BBX: variants seen among roughly 807,000 people sequenced by gnomAD.
The protein encoded by BBX is BBX high mobility group box domain containing.
A neutral mutation model predicts 100.2 loss-of-function variants in BBX; 30 were observed. The ratio of observed to expected loss-of-function variants is 0.30; its 90% confidence interval spans 0.22 to 0.41. The LOEUF is 0.41. Ranked by LOEUF, BBX falls within the 10% of genes least tolerant of loss-of-function variation. The pLI, the probability that BBX is intolerant of heterozygous loss-of-function variation, is 1.00. For missense variants in BBX, 1,023 were observed against 1,129.8 expected (o/e 0.91, Z 1.35); for synonymous variants, 376 against 388.1 (o/e 0.97, Z 0.37).
At chr3:107,799,007 G>A (rs192359822) in intron 16 of BBX, among the ~76,000 whole-genome samples, 181 of 151,784 alleles carry the variant, frequency 1.2e-3, no homozygotes, top group African/African-American at 3.9e-3. Flanking sequence ...AAAATTAGCC[G>A]GGCCTGGTGG....
rs2056310086 is a variant in BBX at position 107,628,028 on chromosome 3, A to G, written c.-83-17808A>G. Among the ~76,000 whole-genome samples, 3 of 152,108 alleles carry G rather than the reference A, an allele frequency of 2.0e-5. No homozygotes were observed. In the South Asian group the frequency reaches 6.2e-4, roughly 31 times the overall value. On this transcript the variant is annotated intron_variant, in intron 2 of 17. Coordinates refer to ENST00000325805, the MANE Select transcript of BBX (RefSeq NM_001142568.3). ...TTACATCTGGTTATTTGTGAATGAA[A>G]TTAACTGAAGCAATTATCTTCTTTA...
At chr3:107,705,698 T>G (rs945598337) in intron 3 of BBX, among the ~76,000 whole-genome samples, 5 of 152,190 alleles carry the variant, frequency 3.3e-5, no homozygotes, top group Non-Finnish European at 7.4e-5. Flanking sequence ...CTAAAAAGCT[T>G]GTTGAGTAAA....
intron 2 of BBX, among the ~76,000 whole-genome samples, chr3:107,545,028 AT>A (rs1031983145): frequency 8.0e-5 from 12 of 150,720 alleles, no homozygotes; most frequent in Middle Eastern, 3.4e-3. Context: ...AAAAAAAAAA[AT>A]TTTTTAAAAA....
At chr3:107,698,427 C>G (rs1162828644) in intron 3 of BBX, among the ~76,000 whole-genome samples, 1 of 151,482 alleles carries the variant, frequency 6.6e-6, no homozygotes, top group Non-Finnish European at 1.5e-5. Flanking sequence ...CTGAAGCGGG[C>G]GGCTCACAAG....
At chr3:107,798,750 G>A (rs1188280427) in intron 16 of BBX, 30 bp downstream of exon 16, 2 of 1,597,420 alleles carry the variant, frequency 1.3e-6, no homozygotes, top group African/African-American at 2.7e-5. Context: ...GACCAGAGGT[G>A]TCCAATCTTT....
chr3:107,526,559 G>C (rs1404566596), intron 2 of BBX, 161 bp downstream of exon 2: 1 of 392,758 alleles, frequency 2.5e-6, no homozygotes, highest in African/African-American at 2.1e-5. Context: ...ATGATTCTTA[G>C]TGTTTAGAAT....
At chr3:107,656,826 G>A (rs150600131) in intron 3 of BBX, among the ~76,000 whole-genome samples, 1 of 152,282 alleles carries the variant, frequency 6.6e-6, no homozygotes, top group African/African-American at 2.4e-5. Context: ...GCACAAAAGA[G>A]GGAGATATAC....
intron 2 of BBX, among the ~76,000 whole-genome samples, chr3:107,587,313 C>G (rs2052924483): frequency 7.0e-6 from 1 of 143,492 alleles, no homozygotes. Context: ...TACCACAGCA[C>G]TCTAGCCTGG....
chr3:107,651,564 C>T (rs771406458), intron 3 of BBX, among the ~76,000 whole-genome samples: 1 of 151,924 alleles, frequency 6.6e-6, no homozygotes, highest in Non-Finnish European at 1.5e-5. Context: ...TTTCTGTTTA[C>T]TTTATCAAGC....
chr3:107,776,899 A>G (rs1007511438), intron 12 of BBX, among the ~76,000 whole-genome samples: 13 of 152,190 alleles, frequency 8.5e-5, no homozygotes, highest in African/African-American at 2.7e-4. Flanking sequence ...TTTTTTAACT[A>G]AATGAGAAAT....
At chr3:107,578,294 G>T (rs974055525) in intron 2 of BBX, among the ~76,000 whole-genome samples, 18 of 152,254 alleles carry the variant, frequency 1.2e-4, no homozygotes, top group Admixed American at 7.8e-4. Context: ...GGTGGGAAGG[G>T]TTTCCTGTTT....
chr3:107,545,287 C>T (rs1283976290), intron 2 of BBX, among the ~76,000 whole-genome samples: 1 of 152,156 alleles, frequency 6.6e-6, no homozygotes, highest in Non-Finnish European at 1.5e-5. Context: ...CTTTATCCAT[C>T]ATTAAAAGCT....
At chr3:107,700,112 A>C (rs1006755165) in intron 3 of BBX, among the ~76,000 whole-genome samples, 1 of 151,920 alleles carries the variant, frequency 6.6e-6, no homozygotes, top group Admixed American at 6.5e-5. Context: ...TAGCTAAAGG[A>C]GAGTGAGAAT....
rs2070995804 is a variant in BBX at position 107,805,449 on chromosome 3, G to A, written c.2818G>A (p.Asp940Asn). 3 of 1,614,030 alleles carry A rather than the reference G, an allele frequency of 1.9e-6. No individual in the cohort carries two copies. Among genetic ancestry groups the A allele is most frequent in the Non-Finnish European group, 2.5e-6 (3 of 1,179,982 alleles). The stretch of plus-strand genomic sequence containing the variant: ...GGCTCCTGTACTTATTTCCTGCGCT[G>A]ACCAGTGAAGCGCCCTTTCATTGTA... Reference protein sequence around the residue: ...PQAPVLISCADQ With the variant: ...PQAPVLISCANQ The change falls in exon 18 of 18, where the codon GAC (aspartate) becomes AAC (asparagine). Residue 940 changes from aspartate (D) to asparagine (N), a missense_variant. Physicochemically the swap from Asp to Asn is conservative, Grantham distance 23. Coordinates refer to ENST00000325805, the MANE Select transcript of BBX (RefSeq NM_001142568.3).
At chr3:107,605,386 T>G (rs547244030) in intron 2 of BBX, among the ~76,000 whole-genome samples, 11 of 149,318 alleles carry the variant, frequency 7.4e-5, no homozygotes, top group African/African-American at 9.8e-5. Flanking sequence ...TTTTTTTTTT[T>G]GGGGGGGGGA....
chr3:107,680,303 T>C (rs1046759570), intron 3 of BBX, among the ~76,000 whole-genome samples: 2 of 152,166 alleles, frequency 1.3e-5, no homozygotes, highest in African/African-American at 4.8e-5. Flanking sequence ...TGAGTTGGAC[T>C]TCTTTATCAC....
In BBX at chr3:107,810,659, A is replaced by T. The variant is rs935565060; in HGVS notation, c.*5202A>T. On this transcript the variant is annotated 3_prime_UTR_variant, in exon 18 of 18. Transcript: ENST00000325805. The stretch of plus-strand genomic sequence containing the variant: ...CTCTAAGAGCCGTGGAACGGGGGGT[A>T]GGGAAGGTTTGCGATCTGGAGCTCA... The T allele has an allele frequency of 6.6e-6, 1 of 152,258 alleles. No homozygotes were observed. The highest frequency in any genetic ancestry group is 2.4e-5 in the African/African-American group (1 of 41,470). The allele number at this position is 152,258 out of a possible 1,614,324, so 9.4% of individuals were successfully genotyped here. A position where few individuals can be genotyped will look rare whatever the true frequency, so the allele number is the denominator to read the frequency against.
chr3:107,592,856 T>C (rs937385265), intron 2 of BBX, among the ~76,000 whole-genome samples: 4 of 152,220 alleles, frequency 2.6e-5, no homozygotes, highest in Admixed American at 2.6e-4. Flanking sequence ...GCTTATCTTA[T>C]GGAAGAGTGG....
intron 2 of BBX, among the ~76,000 whole-genome samples, chr3:107,606,270 T>C (rs1238383856): frequency 6.6e-6 from 1 of 152,222 alleles, no homozygotes; most frequent in African/African-American, 2.4e-5. Context: ...AGTGGGAGAT[T>C]TAATTATGTT....
Sources: allele counts gnomAD v4.1 joint callset (sites outside exome capture counted in the v4.1 genomes callset), GRCh38; gene constraint gnomAD v4.1.1; transcripts MANE v1.5; gene names NCBI Gene and HGNC (gene_info 2026-07-23, HGNC 2026-07-21).